Variants in KCNN2 observed in about 807,000 individuals in gnomAD.
KCNN2 encodes the protein potassium calcium-activated channel subfamily N member 2.
KCNN2 carries 24 observed loss-of-function variants against 55.5 expected under a neutral mutation model. That is an observed-to-expected ratio of 0.43 (90% CI 0.31 to 0.61). KCNN2 has a LOEUF of 0.61. Among genes scored for constraint, KCNN2 ranks in the 20% least tolerant of loss-of-function variants. The probability of loss-of-function intolerance (pLI) is 0.08; values close to 1 mark genes in which losing one functional copy is unlikely to be tolerated. For synonymous variants in KCNN2, 431 were observed against 336.1 expected, an observed-to-expected ratio of 1.28 and a Z score of -3.09; for missense variants, 754 against 853.6, an observed-to-expected ratio of 0.88 and a Z score of 1.45.
intron 1 of KCNN2, among the ~76,000 whole-genome samples, chr5:114,172,327 T>C (rs1753051555): frequency 6.6e-6 from 1 of 151,908 alleles, no homozygotes; most frequent in South Asian, 2.1e-4. Flanking sequence ...GGTTTTTACC[T>C]TATTTTTTGA....
At chr5:114,422,905 C>T (rs2150082095) in intron 3 of KCNN2, among the ~76,000 whole-genome samples, 1 of 152,310 alleles carries the variant, frequency 6.6e-6, no homozygotes, top group South Asian at 2.1e-4. Context: ...TAAGTTTTAT[C>T]AGCCTTGGGG....
intron 1 of KCNN2, among the ~76,000 whole-genome samples, chr5:114,213,283 G>T (rs951277482): frequency 1.3e-5 from 2 of 151,770 alleles, no homozygotes; most frequent in Non-Finnish European, 2.9e-5. Context: ...TATCCTATTT[G>T]CTGTTTCAAT....
intron 2 of KCNN2, among the ~76,000 whole-genome samples, chr5:114,275,619 G>A (rs772901068): frequency 2.6e-4 from 40 of 152,038 alleles, no homozygotes; most frequent in Non-Finnish European, 3.7e-4. Context: ...GTTTATTTGC[G>A]TAGAGGTACT....
chr5:114,150,257 G>C (rs975657440), intron 1 of KCNN2, among the ~76,000 whole-genome samples: 1 of 152,204 alleles, frequency 6.6e-6, no homozygotes, highest in East Asian at 1.9e-4. Flanking sequence ...ATACTACAAG[G>C]CTACAGTAAC....
At chr5:114,461,513 C>T (rs1455297472) in intron 3 of KCNN2, among the ~76,000 whole-genome samples, 1 of 152,128 alleles carries the variant, frequency 6.6e-6, no homozygotes, top group Non-Finnish European at 1.5e-5. Context: ...AGCCCGGAGC[C>T]TGTTTCCTTA....
chr5:114,216,959 A>G (rs139742017), intron 1 of KCNN2, among the ~76,000 whole-genome samples: 5 of 152,168 alleles, frequency 3.3e-5, no homozygotes, highest in African/African-American at 1.2e-4. Context: ...GCTTTCCTAT[A>G]TACCAGCAAT....
chr5:114,481,726 T>A (rs1762238886), intron 5 of KCNN2, among the ~76,000 whole-genome samples: 1 of 149,138 alleles, frequency 6.7e-6, no homozygotes, highest in Admixed American at 6.7e-5. Context: ...AGAAATGAAG[T>A]CCACACACCT....
At chr5:114,340,408 A>G (rs1177103390) in intron 2 of KCNN2, among the ~76,000 whole-genome samples, 2 of 152,150 alleles carry the variant, frequency 1.3e-5, no homozygotes, top group Non-Finnish European at 2.9e-5. Context: ...ATATGTGTAT[A>G]TATATTATAG....
chr5:114,398,016 G>C (rs1758671873), intron 2 of KCNN2, among the ~76,000 whole-genome samples: 1 of 152,122 alleles, frequency 6.6e-6, no homozygotes, highest in South Asian at 2.1e-4. Context: ...TTGCTCTGCA[G>C]AAACTCTTTA....
chr5:114,476,739 CATCCA>C (rs1343898778), intron 5 of KCNN2, among the ~76,000 whole-genome samples: 1 of 152,088 alleles, frequency 6.6e-6, no homozygotes, highest in East Asian at 1.9e-4. Context: ...CATTTAGTGA[CATCCA>C]AGATGTCACT....
Position 114,064,216 on chromosome 5 carries a change from G to A in KCNN2, c.-271+7716G>A, listed in dbSNP as rs958675070. ...GTCTCCAAAGATGGCAGCTACTAGT[G>A]CCTCTCACTTTGTGCAGACACACTG... On this transcript the variant is annotated intron_variant, in intron 1 of 10. Transcript: ENST00000512097. Among the ~76,000 whole-genome samples, 22 of 152,334 alleles carry A rather than the reference G, an allele frequency of 1.4e-4. No homozygotes were observed. The South Asian group carries it at 2.1e-3, about 14-fold the overall frequency.
At chr5:114,228,290 G>C (rs1053113109) in intron 2 of KCNN2, among the ~76,000 whole-genome samples, 1 of 152,008 alleles carries the variant, frequency 6.6e-6, no homozygotes, top group African/African-American at 2.4e-5. Flanking sequence ...TTGAGGTTCT[G>C]TTACATGAAG....
chr5:114,382,215 T>C (rs2150057827), intron 2 of KCNN2, among the ~76,000 whole-genome samples: 1 of 152,334 alleles, frequency 6.6e-6, no homozygotes, highest in South Asian at 2.1e-4. Context: ...TGCAGTGCAA[T>C]CCTTGCCTTC....
chr5:114,245,621 T>G (rs1204013990), intron 2 of KCNN2, among the ~76,000 whole-genome samples: 4 of 152,188 alleles, frequency 2.6e-5, no homozygotes, highest in African/African-American at 9.7e-5. Context: ...TAGAATGATT[T>G]ATCTGACTGT....
chr5:114,189,911 C>G (rs1753416793), intron 1 of KCNN2, among the ~76,000 whole-genome samples: 1 of 151,856 alleles, frequency 6.6e-6, no homozygotes, highest in African/African-American at 2.4e-5. Flanking sequence ...CCTCATAGCA[C>G]ACACCAAAAT....
intron 2 of KCNN2, among the ~76,000 whole-genome samples, chr5:114,290,033 T>A (rs1383238408): frequency 6.6e-6 from 1 of 152,196 alleles, no homozygotes; most frequent in African/African-American, 2.4e-5. Flanking sequence ...TTTGCTGAAT[T>A]AGTTTATTAT....
Position 114,114,723 on chromosome 5 carries a change from G to A in KCNN2, c.-271+58223G>A, listed in dbSNP as rs1580526618. On this transcript the variant is annotated intron_variant, in intron 1 of 10. Coordinates refer to the KCNN2 transcript ENST00000512097. ...TTCACTCATCACCTCATTGTTGGTG[G>A]TTTTCTAATCAATCATCTAATCAGC... 3.9e-5 allele frequency among the ~76,000 whole-genome samples: 6 copies of A among 152,228 alleles called. 1 individual carries two copies. In the South Asian group the frequency reaches 1.2e-3, roughly 32 times the overall value.
At chr5:114,476,894 GTCA>G (rs1209743939) in intron 5 of KCNN2, among the ~76,000 whole-genome samples, 3 of 137,284 alleles carry the variant, frequency 2.2e-5, no homozygotes, top group Non-Finnish European at 5.0e-5. Context: ...TTTATACAAA[GTCA>G]TCAACTTAAT....
intron 3 of KCNN2, 129 bp from the exon 4 acceptor site, chr5:114,462,920 A>G (rs1344780990): frequency 3.5e-6 from 3 of 861,884 alleles, no homozygotes; most frequent in East Asian, 2.5e-5. Context: ...TATATTCACA[A>G]GCTTTGAAAA....
Sources: gnomAD v4.1 joint callset for allele counts (sites outside exome capture counted in the v4.1 genomes callset) on GRCh38, gnomAD v4.1.1 for gene constraint, MANE v1.5 for transcripts, NCBI Gene and HGNC (gene_info 2026-07-23, HGNC 2026-07-21) for gene names.